HHLA1: variants seen among roughly 807,000 people sequenced by gnomAD.
HHLA1 encodes the protein HHLA1 neighbor of OC90.
HHLA1 carries 72 observed loss-of-function variants against 69.9 expected under a neutral mutation model. The observed-to-expected ratio is 1.03, with a 90% CI of 0.85 to 1.25. HHLA1 has a LOEUF of 1.25. Ranked by LOEUF, HHLA1 falls within the 50% of genes most tolerant of loss-of-function variation. The pLI, the probability that HHLA1 is intolerant of heterozygous loss-of-function variation, is 0.00. For missense variants in HHLA1, 685 were observed against 642.2 expected (o/e 1.07, Z -0.72); for synonymous variants, 252 against 233.2 (o/e 1.08, Z -0.73).
intron 1 of HHLA1, among the ~76,000 whole-genome samples, chr8:132,110,646 G>A (rs1166718199): frequency 6.6e-6 from 1 of 152,168 alleles, no homozygotes; most frequent in Non-Finnish European, 1.5e-5. Flanking sequence ...GGGAGAACCA[G>A]GATTGGAAGT....
chr8:132,087,229 G>A lies in HHLA1; in HGVS notation c.676+424C>T, dbSNP rs79155906. ...AGCATGCCCAATGTGGCACAGAGGG[G>A]CATGAGGGTGGGGCATGGTTAGGTA... On this transcript the variant is annotated intron_variant, in intron 10 of 16. Coordinates refer to ENST00000414222, the MANE Select transcript of HHLA1 (RefSeq NM_001145095.3). 6.1e-3 allele frequency among the ~76,000 whole-genome samples: 925 copies of A among 152,354 alleles called. 9 individuals carry two copies. Among genetic ancestry groups the A allele is most frequent in the African/African-American group, 0.021 (889 of 41,594 alleles).
In HHLA1 at chr8:132,098,918, C is replaced by CT; in HGVS notation, c.243dup (p.Glu82ArgfsTer9). Reference sequence around the variant, plus strand: ...CTACTGAGCATCCCATTCACAAGCTCTGTCAGGTTAAGCGCGGACAGATCG... The same window carrying CT: ...CTACTGAGCATCCCATTCACAAGCTCTTGTCAGGTTAAGCGCGGACAGATCG... On this transcript the variant is annotated frameshift_variant, in exon 5 of 17. Transcript: ENST00000414222. LOFTEE classifies it high-confidence loss of function. The CT allele has an allele frequency of 6.4e-7, 1 of 1,551,506 alleles. No individual in the cohort carries two copies. The highest frequency in any genetic ancestry group is 8.7e-7 in the Non-Finnish European group (1 of 1,146,754).
At chr8:132,087,345 G>A (rs965352925) in intron 10 of HHLA1, among the ~76,000 whole-genome samples, 2 of 152,136 alleles carry the variant, frequency 1.3e-5, no homozygotes, top group South Asian at 4.1e-4. Context: ...TGAGAAAAAA[G>A]TGGAAGGCAA....
chr8:132,071,827 C>T (rs1012332584), intron 14 of HHLA1, among the ~76,000 whole-genome samples: 6 of 151,820 alleles, frequency 4.0e-5, no homozygotes, highest in South Asian at 2.1e-4. Context: ...AATGACTCTG[C>T]GTGATGTAAG....
chr8:132,076,060 A>T lies in HHLA1; in HGVS notation c.1310T>A (p.Val437Asp). ...GACTGGGCACTGGTACTTACTTGAA[A>T]CTTGATGGGGTCTTGGGACCAGGAC... ...EPVLVPRPHQ[V>D]SRCPQPLFKV... is the part of the protein sequence containing the mutation. Residue 437 changes from valine (V) to aspartate (D), a missense_variant, in exon 14 of 17, where the codon GTT becomes GAT. Coordinates refer to ENST00000414222, the MANE Select transcript of HHLA1 (RefSeq NM_001145095.3). The T allele has an allele frequency of 1.3e-6, 2 of 1,550,830 alleles. No homozygotes were observed. Among genetic ancestry groups the T allele is most frequent in the Non-Finnish European group, 8.7e-7 (1 of 1,146,338 alleles).
Position 132,095,584 on chromosome 8 carries a change from A to G in HHLA1, c.383T>C (p.Val128Ala), listed in dbSNP as rs759144068. Residue 128 changes from valine (V) to alanine (A), a missense_variant, in exon 7 of 17, where the codon GTA becomes GCA. Val to Ala is a moderately conservative substitution (Grantham distance 64). Transcript: ENST00000414222. ...CCTTGTGGGGAATTTGGCGGGGTCT[A>G]CTGTCTTCAGGTTAGAAACTGTGAA... ...AVYNISNLKTVDPAKFPTRYC... is the reference protein window; with the variant it reads ...AVYNISNLKTADPAKFPTRYC... The G allele has an allele frequency of 1.9e-6, 3 of 1,548,534 alleles. No individual in the cohort carries two copies. The highest frequency in any genetic ancestry group is 2.6e-6 in the Non-Finnish European group (3 of 1,144,110).
intron 14 of HHLA1, among the ~76,000 whole-genome samples, chr8:132,075,807 G>T (rs1256625594): frequency 6.6e-6 from 1 of 152,098 alleles, no homozygotes; most frequent in Non-Finnish European, 1.5e-5. Context: ...AAAACCTTGT[G>T]GGAAAGATAA....
chr8:132,095,831 C>T (rs926748506), intron 5 of HHLA1, 45 bp from the exon 6 acceptor site: 33 of 1,203,358 alleles, frequency 2.7e-5, no homozygotes, highest in Middle Eastern at 1.9e-4. Flanking sequence ...TGCCTACTAA[C>T]GTAACAATAA....
intron 16 of HHLA1, 148 bp from the exon 17 acceptor site, chr8:132,064,186 G>A (rs535269833): frequency 1.5e-4 from 41 of 269,658 alleles, no homozygotes; most frequent in African/African-American, 8.5e-4. Context: ...GGTCACTAGG[G>A]GTGAGACTCA....
intron 16 of HHLA1, 135 bp from the exon 17 acceptor site, chr8:132,064,173 A>G (rs1823397016): frequency 6.9e-6 from 2 of 289,386 alleles, no homozygotes; most frequent in Middle Eastern, 4.4e-4. Flanking sequence ...TGCACTGGAC[A>G]GGGGTCACTA....
intron 7 of HHLA1, among the ~76,000 whole-genome samples, chr8:132,090,178 T>C (rs902144093): frequency 6.6e-6 from 1 of 152,216 alleles, no homozygotes; most frequent in African/African-American, 2.4e-5. Context: ...AGATAACTTT[T>C]TCAGCATTTC....
intron 4 of HHLA1, 63 bp downstream of exon 4, chr8:132,100,012 G>C (rs1824087546): frequency 1.6e-6 from 2 of 1,218,662 alleles, no homozygotes; most frequent in African/African-American, 1.5e-5. Flanking sequence ...CAGAGGTCTA[G>C]AGAAGTGGAG....
intron 3 of HHLA1, 150 bp from the exon 4 acceptor site, chr8:132,100,284 T>C (rs1824092041): frequency 3.1e-6 from 2 of 644,398 alleles, no homozygotes; most frequent in South Asian, 3.6e-5. Flanking sequence ...CAGACTCTTC[T>C]GCATGGCCCT....
intron 15 of HHLA1, among the ~76,000 whole-genome samples, chr8:132,066,489 T>G (rs576063233): frequency 6.6e-5 from 10 of 152,154 alleles, no homozygotes; most frequent in Non-Finnish European, 8.8e-5. Flanking sequence ...CTGTTCTTGG[T>G]CAGAGGTGGC....
chr8:132,066,833 C>T (rs1177513832), intron 15 of HHLA1, among the ~76,000 whole-genome samples: 2 of 152,286 alleles, frequency 1.3e-5, no homozygotes, highest in East Asian at 3.9e-4. Flanking sequence ...ATGACTTCCC[C>T]AAGGGATTTC....
chr8:132,076,615 C>A (rs1425480254), intron 12 of HHLA1, 72 bp from the exon 13 acceptor site: 3 of 1,035,412 alleles, frequency 2.9e-6, no homozygotes, highest in Non-Finnish European at 4.1e-6. Context: ...TGACCAGGGC[C>A]ACCTATCCTG....
chr8:132,098,958 C>T lies in HHLA1; in HGVS notation c.204G>A (p.Leu68=). 6.5e-7 allele frequency: 1 copy of T among 1,548,496 alleles called. No individual in the cohort carries two copies. Among genetic ancestry groups the T allele is most frequent in the Non-Finnish European group, 8.7e-7 (1 of 1,145,070 alleles). Residue 68 remains leucine (L), a synonymous_variant, in exon 5 of 17, where the codon CTG becomes CTA. Transcript: ENST00000414222. The part of the protein sequence containing the change: ...KGVAFLATTE[L]PARSIDLSAL... Reference sequence around the variant, plus strand: ...CGGACAGATCGATTGACCTTGCGGGCAGCTCTGAAAGAGATTCAGAGATAA... The same window carrying T: ...CGGACAGATCGATTGACCTTGCGGGTAGCTCTGAAAGAGATTCAGAGATAA...
intron 10 of HHLA1, among the ~76,000 whole-genome samples, chr8:132,083,516 A>G (rs1163718884): frequency 6.6e-6 from 1 of 152,168 alleles, no homozygotes; most frequent in East Asian, 1.9e-4. Context: ...CGCTAAGCCA[A>G]GAAGATCTGG....
rs1404229628 is a variant in HHLA1 at position 132,076,070 on chromosome 8, G to C, written c.1300C>G (p.Pro434Ala). ...TGGTACTTACTTGAAACTTGATGGG[G>C]TCTTGGGACCAGGACTGGCTCTTCA... is the stretch of plus-strand genomic sequence containing the variant. The part of the protein sequence containing the change: ...AGEEPVLVPR[P>A]HQVSRCPQPL... The change falls in exon 14 of 17, where the codon CCC becomes GCC. Residue 434 changes from proline to alanine, a missense_variant. Coordinates refer to ENST00000414222, the MANE Select transcript of HHLA1 (RefSeq NM_001145095.3). 2 of 1,551,166 alleles carry C rather than the reference G, an allele frequency of 1.3e-6. No individual in the cohort carries two copies. Among genetic ancestry groups the C allele is most frequent in the Middle Eastern group, 1.7e-4 (1 of 5,992 alleles).
Sources: gnomAD v4.1 joint callset for allele counts (sites outside exome capture counted in the v4.1 genomes callset) on GRCh38, gnomAD v4.1.1 for gene constraint, MANE v1.5 for transcripts, NCBI Gene and HGNC (gene_info 2026-07-23, HGNC 2026-07-21) for gene names.